The following COL4A2 variants were observed in gnomAD, a reference collection of about 807,000 sequenced individuals.
The protein encoded by COL4A2 is collagen type IV alpha 2 chain.
A neutral mutation model predicts 200.2 loss-of-function variants in COL4A2; 99 were observed. The ratio of observed to expected loss-of-function variants is 0.49; its 90% CI spans 0.42 to 0.58. The LOEUF is 0.58. Among genes scored for constraint, COL4A2 ranks in the 20% least tolerant of loss-of-function variants. The probability of loss-of-function intolerance (pLI) is 0.00; values close to 1 mark genes in which losing one functional copy is unlikely to be tolerated. For missense variants in COL4A2, 1,950 were observed against 2,314.1 expected (o/e 0.84, Z 3.23); for synonymous variants, 897 against 900.6 (o/e 1.00, Z 0.07).
intron 4 of COL4A2, among the ~76,000 whole-genome samples, chr13:110,372,982 C>G (rs1878082791): frequency 6.6e-6 from 1 of 152,184 alleles, no homozygotes; most frequent in Non-Finnish European, 1.5e-5. Context: ...TAGCTGTGTA[C>G]CCATTTCTTA....
chr13:110,426,386 T>G (rs1375779431), intron 6 of COL4A2, among the ~76,000 whole-genome samples: 1 of 152,216 alleles, frequency 6.6e-6, no homozygotes, highest in Non-Finnish European at 1.5e-5. Context: ...ATGATTGTGG[T>G]GAGCAGGTGA....
chr13:110,313,278 ACT>A (rs1298746108), intron 3 of COL4A2, among the ~76,000 whole-genome samples: 1 of 151,846 alleles, frequency 6.6e-6, no homozygotes, highest in Non-Finnish European at 1.5e-5. Flanking sequence ...GGCCTAAGTG[ACT>A]CACTGCTCTT....
intron 4 of COL4A2, among the ~76,000 whole-genome samples, chr13:110,361,006 C>A (rs947981509): frequency 1.2e-4 from 19 of 152,192 alleles, no homozygotes; most frequent in African/African-American, 4.3e-4. Context: ...TCAGGTGAGA[C>A]CCTGAACATT....
intron 36 of COL4A2, 65 bp downstream of exon 36, chr13:110,489,850 G>C: frequency 6.6e-7 from 1 of 1,511,242 alleles, no homozygotes; most frequent in Non-Finnish European, 8.9e-7. Flanking sequence ...CTAGGAGCCC[G>C]ACTTGCCAAA....
intron 4 of COL4A2, among the ~76,000 whole-genome samples, chr13:110,375,158 C>T (rs992014259): frequency 6.6e-5 from 10 of 152,168 alleles, no homozygotes; most frequent in African/African-American, 1.4e-4. Context: ...GATGGCTCAC[C>T]GGGTAAGCAT....
chr13:110,482,537 T>C lies in COL4A2; in HGVS notation c.2780T>C (p.Met927Thr). 6.2e-7 allele frequency: 1 copy of C among 1,614,166 alleles called. No homozygotes were observed. The highest frequency in any genetic ancestry group is 8.5e-7 in the Non-Finnish European group (1 of 1,180,020). Residue 927 changes from methionine to threonine, a missense_variant, in exon 32 of 48, where the codon ATG becomes ACG. Coordinates refer to ENST00000360467, the MANE Select transcript of COL4A2 (RefSeq NM_001846.4). ...GAAGGAGATAGAGGCTCACCTGGGATGGATGGTTTCCAAGGCATGCCTGGA... is the reference window on the plus strand; with the variant it reads ...GAAGGAGATAGAGGCTCACCTGGGACGGATGGTTTCCAAGGCATGCCTGGA... The part of the protein sequence containing the change: ...GLKGDRGSPG[M>T]DGFQGMPGLK...
In COL4A2 at chr13:110,446,804, G is replaced by A; in HGVS notation, c.1018G>A (p.Ala340Thr). Reference protein sequence around the residue: ...PDGPRGPKGEAGDPGPPGLPA... With the variant: ...PDGPRGPKGETGDPGPPGLPA... Reference sequence around the variant, plus strand: ...TTCTCTTTTCTTTCTCTAGGGAGAAGCCGGAGACCCAGGGCCCCCTGGACT... The same window carrying A: ...TTCTCTTTTCTTTCTCTAGGGAGAAACCGGAGACCCAGGGCCCCCTGGACT... Residue 340 changes from alanine to threonine, a missense_variant, in exon 18 of 48, where the codon GCC becomes ACC. Around this residue, in one of 2 missense-constraint regions of COL4A2, gnomAD observed 565 missense variants for 593.5 expected, o/e 0.95. Coordinates refer to ENST00000360467, the MANE Select transcript of COL4A2 (RefSeq NM_001846.4). The A allele has an allele frequency of 6.2e-7, 1 of 1,612,030 alleles. No homozygotes were observed. Among genetic ancestry groups the A allele is most frequent in the South Asian group, 1.1e-5 (1 of 91,012 alleles).
intron 3 of COL4A2, among the ~76,000 whole-genome samples, chr13:110,316,380 G>C (rs1306984620): frequency 6.6e-6 from 1 of 152,292 alleles, no homozygotes; most frequent in East Asian, 1.9e-4. Context: ...AGGAGATGCC[G>C]ATTGGCAGCC....
rs1025762255 is a variant in COL4A2, at chr13:110,506,478, G to A, written c.4466G>A (p.Gly1489Asp). 1.2e-6 allele frequency: 2 copies of A among 1,612,474 alleles called. No individual in the cohort carries two copies. Among genetic ancestry groups the A allele is most frequent in the Admixed American group, 1.7e-5 (1 of 59,916 alleles). The change falls in exon 46 of 48, where the codon GGC becomes GAC. Residue 1489 changes from glycine to aspartate, a missense_variant. Around this residue, in one of 2 missense-constraint regions of COL4A2, gnomAD observed 1,385 missense variants for 1,720.5 expected, o/e 0.80. Coordinates refer to ENST00000360467, the MANE Select transcript of COL4A2 (RefSeq NM_001846.4). ...ATGCCAGGCCGCAGCGTCAGCATCGGCTACCTCCTGGTGAAGCACAGCCAG... is the reference window on the plus strand; with the variant it reads ...ATGCCAGGCCGCAGCGTCAGCATCGACTACCTCCTGGTGAAGCACAGCCAG... ...PGMPGRSVSI[G>D]YLLVKHSQTD...
At chr13:110,325,245 A>T (rs1885377029) in intron 3 of COL4A2, among the ~76,000 whole-genome samples, 1 of 152,220 alleles carries the variant, frequency 6.6e-6, no homozygotes, top group Admixed American at 6.5e-5. Context: ...AGAAAGTGAC[A>T]CTAATGCTTT....
chr13:110,493,940 A>C (rs1276997398), intron 39 of COL4A2, among the ~76,000 whole-genome samples: 1 of 152,144 alleles, frequency 6.6e-6, no homozygotes, highest in Non-Finnish European at 1.5e-5. Context: ...GACCTGGCCT[A>C]ACCCTAATCA....
chr13:110,369,245 G>C (rs1877896250), intron 4 of COL4A2, among the ~76,000 whole-genome samples: 1 of 151,618 alleles, frequency 6.6e-6, no homozygotes, highest in Non-Finnish European at 1.5e-5. Flanking sequence ...AGCAATTAGA[G>C]TTACAGTATG....
At chr13:110,390,466 C>A (rs923644237) in intron 4 of COL4A2, among the ~76,000 whole-genome samples, 1 of 152,174 alleles carries the variant, frequency 6.6e-6, no homozygotes, top group African/African-American at 2.4e-5. Flanking sequence ...GTGGGTGGGA[C>A]CCCGAGTGGT....
chr13:110,394,227 G>A (rs1879104379), intron 4 of COL4A2, among the ~76,000 whole-genome samples: 1 of 152,186 alleles, frequency 6.6e-6, no homozygotes. Context: ...CTTACTTTCT[G>A]CCAGACACTG....
At chr13:110,461,469 TCCC>T (rs1882023202) in intron 22 of COL4A2, among the ~76,000 whole-genome samples, 1 of 152,266 alleles carries the variant, frequency 6.6e-6, no homozygotes, top group Admixed American at 6.5e-5. Context: ...GACCTGGGTT[TCCC>T]TGTCCAACCA....
chr13:110,499,423 C>T (rs1199961135), intron 40 of COL4A2, among the ~76,000 whole-genome samples: 1 of 152,176 alleles, frequency 6.6e-6, no homozygotes, highest in South Asian at 2.1e-4. Context: ...CTCCTGGGAA[C>T]TCACTATCAC....
At chr13:110,446,353 A>AAGACTTCTGAGCCGGGTGG (rs1881323153) in intron 17 of COL4A2, among the ~76,000 whole-genome samples, 1 of 151,888 alleles carries the variant, frequency 6.6e-6, no homozygotes, top group Non-Finnish European at 1.5e-5. Context: ...GAGCCGGGTG[A>AAGACTTCTGAGCCGGGTGG]GGCTCAAAGA....
At chr13:110,436,225 T>C (rs766542671) in intron 12 of COL4A2, 44 bp from the exon 13 acceptor site, 1 of 1,612,240 alleles carries the variant, frequency 6.2e-7, no homozygotes, top group Non-Finnish European at 8.5e-7. Context: ...TTTTGTAGTT[T>C]CCTTTCGATT....
intron 16 of COL4A2, among the ~76,000 whole-genome samples, chr13:110,441,548 C>T (rs1049655556): frequency 6.6e-6 from 1 of 152,176 alleles, no homozygotes; most frequent in Admixed American, 6.5e-5. Flanking sequence ...GATCGGAGTA[C>T]TCCCAAAGGC....
Sources: gnomAD v4.1 joint callset for allele counts (sites outside exome capture counted in the v4.1 genomes callset) on GRCh38, gnomAD v4.1.1 for gene constraint, gnomAD v4.1.1 regional missense constraint, MANE v1.5 for transcripts, NCBI Gene and HGNC (gene_info 2026-07-23, HGNC 2026-07-21) for gene names.